ODAD2: variants seen among roughly 807,000 people sequenced by gnomAD.
The protein encoded by ODAD2 is outer dynein arm-docking complex subunit 2.
Under a neutral mutation model 106.8 loss-of-function variants are expected in ODAD2, and 89 were observed. That is an observed-to-expected ratio of 0.83 (90% CI 0.70 to 0.99). ODAD2 has a LOEUF of 0.99. Among genes scored for constraint, ODAD2 ranks in the 50% least tolerant of loss-of-function variants. ODAD2 has a pLI of 0.00. For missense variants in ODAD2, 1,168 were observed against 1,238.5 expected, an observed-to-expected ratio of 0.94 and a Z score of 0.85; for synonymous variants, 404 against 436.2, an observed-to-expected ratio of 0.93 and a Z score of 0.92.
rs1398383890 is a variant in ODAD2 at position 27,885,530 on chromosome 10, A to AT, written c.2610+22132_2610+22133insA. Among the ~76,000 whole-genome samples, 25 of 10,362 alleles carry AT rather than the reference A, an allele frequency of 2.4e-3. 2 individuals are homozygous for AT. The highest frequency in any genetic ancestry group is 3.2e-3 in the East Asian group (2 of 626). The allele number at this position is 10,362 out of a possible 152,430, so 6.8% of individuals were successfully genotyped here. A position where few individuals can be genotyped will look rare whatever the true frequency, so the allele number is the denominator to read the frequency against. ...ATCTCAAAAAAAAAAAAAAAAAAAA[A>AT]AAAATATATATATATATAAATATAT... On this transcript the variant is annotated intron_variant, in intron 17 of 19. Coordinates refer to ENST00000305242, the MANE Select transcript of ODAD2 (RefSeq NM_018076.5).
Position 27,970,970 on chromosome 10 carries a change from T to TTAAA in ODAD2, c.1142+134_1142+137dup, listed in dbSNP as rs59193868. 11,282 of 305,904 alleles carry TTAAA rather than the reference T, an allele frequency of 0.037. 308 individuals are homozygous for TTAAA. The highest frequency in any genetic ancestry group is 0.068 in the South Asian group (484 of 7,066). 18.9% of individuals were successfully genotyped at this position (305,904 alleles called of 1,614,324 possible). On this transcript the variant is annotated intron_variant, in intron 8 of 19. Transcript: ENST00000305242. Reference sequence around the variant, plus strand: ...CTGGGCAACAGAGCAAGACTCCATCTTAAATAAATAAATAAATAAATAAAT... The same window carrying TTAAA: ...CTGGGCAACAGAGCAAGACTCCATCTTAAATAAATAAATAAATAAATAAATAAAT...
chr10:27,986,770 TG>T (rs1411647463), intron 3 of ODAD2, among the ~76,000 whole-genome samples: 2 of 152,100 alleles, frequency 1.3e-5, no homozygotes, highest in East Asian at 4.0e-4. Flanking sequence ...ATTCATTTTT[TG>T]CATGTTAGAT....
At chr10:27,893,871 C>A (rs533088804) in intron 17 of ODAD2, among the ~76,000 whole-genome samples, 57 of 152,254 alleles carry the variant, frequency 3.7e-4, no homozygotes, top group African/African-American at 1.3e-3. Context: ...ATTAGAAGGC[C>A]AGGTGTGGTG....
chr10:27,930,365 A>AT (rs1476037743), intron 16 of ODAD2, among the ~76,000 whole-genome samples: 1 of 152,046 alleles, frequency 6.6e-6, no homozygotes, highest in South Asian at 2.1e-4. Flanking sequence ...TTACAAAAAA[A>AT]TTTTTTGAAA....
rs1188965657 is a variant in ODAD2, at chr10:27,862,459, G to A, written c.2774C>T (p.Pro925Leu). Residue 925 changes from proline (P) to leucine (L), a missense_variant, in exon 18 of 20, where the codon CCT becomes CTT. Around this residue, in one of 3 missense-constraint regions of ODAD2, gnomAD observed 701 missense variants for 712.3 expected, o/e 0.98. Transcript: ENST00000305242. ...TGTATTTGCCAGTTTGGACAATAAAGGAACAACTCCATGATCTGTGATAAC... is the reference window on the plus strand; with the variant it reads ...TGTATTTGCCAGTTTGGACAATAAAAGAACAACTCCATGATCTGTGATAAC... ...LAVITDHGVV[P>L]LLSKLANTNN... The A allele has an allele frequency of 6.2e-7, 1 of 1,609,014 alleles. No individual in the cohort carries two copies. The highest frequency in any genetic ancestry group is 2.2e-5 in the East Asian group (1 of 44,540).
chr10:27,866,538 C>T (rs2133380870), intron 17 of ODAD2, among the ~76,000 whole-genome samples: 1 of 152,122 alleles, frequency 6.6e-6, no homozygotes, highest in South Asian at 2.1e-4. Flanking sequence ...TTATAAATTA[C>T]TGGGTAATTT....
At chr10:27,848,925 G>T (rs1839022415) in intron 19 of ODAD2, among the ~76,000 whole-genome samples, 1 of 152,212 alleles carries the variant, frequency 6.6e-6, no homozygotes, top group African/African-American at 2.4e-5. Context: ...AGGATGTGGA[G>T]AAATAGGAAC....
intron 10 of ODAD2, among the ~76,000 whole-genome samples, chr10:27,949,964 T>C (rs956911304): frequency 5.1e-4 from 78 of 152,108 alleles, no homozygotes; most frequent in African/African-American, 1.9e-3. Flanking sequence ...CATTTGAAGT[T>C]ATTATCAGAG....
chr10:27,860,557 A>G (rs1589845186), intron 19 of ODAD2, 68 bp downstream of exon 19: 1 of 1,445,770 alleles, frequency 6.9e-7, no homozygotes, highest in East Asian at 2.3e-5. Context: ...AATCTTAGTG[A>G]TGCCTAAGTT....
intron 9 of ODAD2, among the ~76,000 whole-genome samples, chr10:27,964,420 C>T (rs1039321824): frequency 1.3e-5 from 2 of 152,112 alleles, no homozygotes; most frequent in Non-Finnish European, 1.5e-5. Context: ...TATAACAATG[C>T]CTGGCATAGA....
In ODAD2 at chr10:27,939,990, T is replaced by G. The variant is rs1846273546; in HGVS notation, c.2004A>C (p.Ala668=). ...TTTCAATGATCCTTTCTGCTTTGAT[T>G]GCAGCCCGGTAGTTTTCCTAGGAAT... is the stretch of plus-strand genomic sequence containing the variant. ...ECASEENYRA[A]IKAERIIENL... Residue 668 remains alanine, a synonymous_variant, in exon 14 of 20, where the codon GCA becomes GCC. Transcript: ENST00000305242. The G allele has an allele frequency of 6.2e-7, 1 of 1,607,636 alleles. No homozygotes were observed. The highest frequency in any genetic ancestry group is 8.5e-7 in the Non-Finnish European group (1 of 1,177,156).
At chr10:27,873,637 T>C (rs548690461) in intron 17 of ODAD2, among the ~76,000 whole-genome samples, 1 of 152,162 alleles carries the variant, frequency 6.6e-6, no homozygotes, top group East Asian at 1.9e-4. Flanking sequence ...CAGGAGCAGG[T>C]TGTTCAGTTT....
At chr10:27,946,881 C>A (rs1846971028) in intron 10 of ODAD2, among the ~76,000 whole-genome samples, 1 of 152,128 alleles carries the variant, frequency 6.6e-6, no homozygotes, top group African/African-American at 2.4e-5. Context: ...TAGATGTCAG[C>A]CTTTCTTCTT....
At chr10:27,896,189 G>A (rs4749274) in intron 17 of ODAD2, among the ~76,000 whole-genome samples, 67,599 of 151,996 alleles carry the variant, frequency 0.44, 16,745 homozygotes, top group Middle Eastern at 0.61. Flanking sequence ...TATTATACAC[G>A]TCAATGAAAT....
intron 17 of ODAD2, among the ~76,000 whole-genome samples, chr10:27,903,641 C>A (rs1379599966): frequency 1.3e-5 from 2 of 152,174 alleles, no homozygotes; most frequent in Non-Finnish European, 2.9e-5. Context: ...CATAAGCATT[C>A]CTATACACCA....
chr10:27,915,717 T>C (rs979688566), intron 16 of ODAD2, among the ~76,000 whole-genome samples: 3 of 152,150 alleles, frequency 2.0e-5, no homozygotes, highest in South Asian at 4.1e-4. Context: ...CTGTATCCAG[T>C]GAAAACATCC....
chr10:27,940,564 T>A lies in ODAD2; in HGVS notation c.1985A>T (p.Glu662Val), dbSNP rs749842787. The A allele has an allele frequency of 6.2e-7, 1 of 1,613,930 alleles. No homozygotes were observed. The highest frequency in any genetic ancestry group is 1.7e-5 in the Admixed American group (1 of 60,008). Residue 662 changes from glutamate (E) to valine (V), a missense_variant and splice_region_variant, in exon 13 of 20, where the codon GAG becomes GTG. By Grantham distance (121) the Glu-to-Val change is moderately radical. Coordinates refer to ENST00000305242, the MANE Select transcript of ODAD2 (RefSeq NM_018076.5). ...VVGTLQECAS[E>V]ENYRAAIKAE... ...GGGAAGCAGAACTGGCATGAGTACC[T>A]CTGATGCACACTCTTGCAATGTCCC...
chr10:27,856,511 G>C (rs1547327), intron 19 of ODAD2, among the ~76,000 whole-genome samples: 106,406 of 151,936 alleles, frequency 0.7, 37,349 homozygotes, highest in Middle Eastern at 0.75. Context: ...ATTTCCCAGG[G>C]CTCTCTAAAC....
intron 10 of ODAD2, chr10:27,958,828 G>T (rs1354862035): frequency 1.5e-6 from 2 of 1,298,552 alleles, no homozygotes; most frequent in African/African-American, 3.1e-5. Flanking sequence ...AGAGGGGTTA[G>T]TCAACTCACC....
Sources: gnomAD v4.1 joint callset for allele counts (sites outside exome capture counted in the v4.1 genomes callset) on GRCh38, gnomAD v4.1.1 for gene constraint, gnomAD v4.1.1 regional missense constraint, MANE v1.5 for transcripts, NCBI Gene and HGNC (gene_info 2026-07-23, HGNC 2026-07-21) for gene names.